The following P2RX7 variants were observed in gnomAD, a reference collection of about 807,000 sequenced individuals.
P2RX7 encodes purinergic receptor P2X 7, also known as P2X purinoceptor 7.
In P2RX7, 62 loss-of-function variants were observed where a neutral mutation model predicts 71.6. The ratio of observed to expected loss-of-function variants is 0.87; its 90% CI spans 0.71 to 1.07. P2RX7 has a LOEUF of 1.07. Among genes scored for constraint, P2RX7 ranks in the 50% least tolerant of loss-of-function variants. The pLI is 0.00. For missense variants in P2RX7, 686 were observed against 748.5 expected (o/e 0.92, Z 0.97); for synonymous variants, 299 against 283.3 (o/e 1.06, Z -0.56).
rs1555229275 is a variant in P2RX7 at position 121,175,322 on chromosome 12, A to AAAAAC, written c.882-62_882-61insCAAAA. 163 of 996,496 alleles carry AAAAAC rather than the reference A, an allele frequency of 1.6e-4. No homozygotes were observed. In the African/African-American group the frequency reaches 2.2e-3, roughly 13 times the overall value. The allele number at this position is 996,496 out of a possible 1,614,324, so 61.7% of individuals were successfully genotyped here. A position where few individuals can be genotyped will look rare whatever the true frequency, so the allele number is the denominator to read the frequency against. ...TGAGACCCTGTCTCAAAAAAAAAAA[A>AAAAAC]AAAAAAACCCAAAACCCAGCACTTT... On this transcript the variant is annotated intron_variant, in intron 8 of 12. Coordinates refer to ENST00000328963, the MANE Select transcript of P2RX7 (RefSeq NM_002562.6).
At chr12:121,169,503 A>T (rs565252057) in intron 8 of P2RX7, among the ~76,000 whole-genome samples, 79 of 152,292 alleles carry the variant, frequency 5.2e-4, no homozygotes, top group Middle Eastern at 3.4e-3. Context: ...GCTGTGTGTT[A>T]TGGAGTATTC....
chr12:121,155,437 A>G lies in P2RX7; in HGVS notation c.294+484A>G. 8.9e-6 allele frequency: 11 copies of G among 1,236,110 alleles called. 1 individual carries two copies. In the South Asian group the frequency reaches 1.4e-4, roughly 16 times the overall value. 76.6% of individuals were successfully genotyped at this position (1,236,110 alleles called of 1,614,324 possible). The stretch of plus-strand genomic sequence containing the variant: ...AAGAAGAAAGGCATCGGTCACTGAG[A>G]GAAGGCGTGTGACTTCTAGATTTGC... On this transcript the variant is annotated intron_variant, in intron 2 of 12. Coordinates refer to ENST00000328963, the MANE Select transcript of P2RX7 (RefSeq NM_002562.6).
intron 3 of P2RX7, among the ~76,000 whole-genome samples, chr12:121,158,422 C>T (rs949645515): frequency 6.6e-6 from 1 of 152,192 alleles, no homozygotes; most frequent in Non-Finnish European, 1.5e-5. Context: ...AAGAGTTACC[C>T]TCTCTTCAAG....
rs1001073770 is a variant in P2RX7, at chr12:121,188,026, T to C, written c.*3224T>C. ...GTTTTGATAATTAAAAAAAGGTATATAATTTATTTAAATCTTCATTTCCTT... is the reference window on the plus strand; with the variant it reads ...GTTTTGATAATTAAAAAAAGGTATACAATTTATTTAAATCTTCATTTCCTT... On this transcript the variant is annotated 3_prime_UTR_variant, in exon 13 of 13. Coordinates refer to ENST00000328963, the MANE Select transcript of P2RX7 (RefSeq NM_002562.6). 33 of 152,306 alleles carry C rather than the reference T, an allele frequency of 2.2e-4. No homozygotes were observed. The highest frequency in any genetic ancestry group is 1.0e-4 in the Non-Finnish European group (7 of 68,034). The allele number at this position is 152,306 out of a possible 1,614,324, so 9.4% of individuals were successfully genotyped here.
intron 1 of P2RX7, among the ~76,000 whole-genome samples, chr12:121,136,970 TATA>T (rs1441720510): frequency 6.6e-6 from 1 of 152,142 alleles, no homozygotes; most frequent in African/African-American, 2.4e-5. Context: ...CAGATTATTG[TATA>T]ATAATAAAAT....
At chr12:121,166,289 C>G in intron 7 of P2RX7, 102 bp downstream of exon 7, 1 of 1,269,304 alleles carries the variant, frequency 7.9e-7, no homozygotes, top group Non-Finnish European at 1.1e-6. Flanking sequence ...TAATGTGGCT[C>G]ACATTTACTG....
At chr12:121,183,796 C>T (rs948064756) in intron 12 of P2RX7, among the ~76,000 whole-genome samples, 23 of 152,048 alleles carry the variant, frequency 1.5e-4, no homozygotes, top group African/African-American at 5.3e-4. Context: ...GGTGCAGTGG[C>T]TCATGCCTGT....
At chr12:121,163,555 AAGAT>A (rs200523799) in intron 5 of P2RX7, among the ~76,000 whole-genome samples, 3,980 of 123,576 alleles carry the variant, frequency 0.032, 73 homozygotes, top group South Asian at 0.081. Flanking sequence ...GATAGATAGA[AAGAT>A]AGATAGATAG....
intron 3 of P2RX7, among the ~76,000 whole-genome samples, chr12:121,158,319 G>A (rs1367380862): frequency 6.6e-6 from 1 of 152,180 alleles, no homozygotes; most frequent in Non-Finnish European, 1.5e-5. Flanking sequence ...CTCTCAAGGA[G>A]CTGCAGTCAG....
At position 121,184,395 on chromosome 12, in the gene P2RX7, C is replaced by A; in HGVS notation, c.1381C>A (p.Leu461Met). 1 of 1,614,184 alleles carries A rather than the reference C, an allele frequency of 6.2e-7. No individual in the cohort carries two copies. Among genetic ancestry groups the A allele is most frequent in the Non-Finnish European group, 8.5e-7 (1 of 1,180,028 alleles). The stretch of plus-strand genomic sequence containing the variant: ...TCCTGGACAACCAGAGGAGATACAG[C>A]TGCTTAGAAAGGAGGCGACTCCTAG... ...PIPGQPEEIQ[L>M]LRKEATPRSR... The change falls in exon 13 of 13, where the codon CTG becomes ATG. Residue 461 changes from leucine (L) to methionine (M), a missense_variant. Transcript: ENST00000328963.
intron 12 of P2RX7, among the ~76,000 whole-genome samples, chr12:121,183,407 C>A (rs1884448250): frequency 6.7e-6 from 1 of 150,328 alleles, no homozygotes; most frequent in East Asian, 2.0e-4. Context: ...TCTGTCTCTA[C>A]TAAAAATATA....
In P2RX7 at chr12:121,162,070, T is replaced by C. The variant is rs370527480; in HGVS notation, c.437-354T>C. Among the ~76,000 whole-genome samples, 144 of 152,264 alleles carry C rather than the reference T, an allele frequency of 9.5e-4. 1 individual carries two copies. Among genetic ancestry groups the C allele is most frequent in the African/African-American group, 3.4e-3 (142 of 41,556 alleles). On this transcript the variant is annotated intron_variant, in intron 4 of 12. Transcript: ENST00000328963. ...ACATCCTGGGCAGGCTGTGTACCCC[T>C]TGAGGGACTTGTGCCCCTTTGAGAG...
At chr12:121,159,530 A>C (rs947930043) in intron 3 of P2RX7, among the ~76,000 whole-genome samples, 2 of 151,978 alleles carry the variant, frequency 1.3e-5, no homozygotes, top group Non-Finnish European at 2.9e-5. Context: ...GCTGAACCAG[A>C]TATACCTGGG....
At position 121,149,156 on chromosome 12, in the gene P2RX7, A is replaced by G; in HGVS notation, c.126-5629A>G. ...ACTCATATTCAGAGCATGTGGATTG[A>G]GACTCTGAAGAACGACTTTATGGTG... On this transcript the variant is annotated intron_variant, in intron 1 of 12. Transcript: ENST00000328963. This position sits in a 1 kb window ranked among gnomAD's most constrained non-coding sequence, Gnocchi z 4.7. 4.4e-6 allele frequency: 2 copies of G among 453,998 alleles called. No homozygotes were observed. Among genetic ancestry groups the G allele is most frequent in the Non-Finnish European group, 8.8e-6 (2 of 227,758 alleles). 28.1% of individuals were successfully genotyped at this position (453,998 alleles called of 1,614,324 possible).
chr12:121,180,333 T>G (rs377471637), intron 11 of P2RX7, 21 bp from the exon 12 acceptor site: 12 of 1,442,264 alleles, frequency 8.3e-6, no homozygotes, highest in Middle Eastern at 3.6e-4. Context: ...ATGGGTAAAC[T>G]TTCAAACCAT....
chr12:121,161,051 A>G (rs1320794570), intron 4 of P2RX7, 77 bp downstream of exon 4: 2 of 1,084,276 alleles, frequency 1.8e-6, no homozygotes, highest in Non-Finnish European at 2.9e-6. Context: ...TGCCCAGGTC[A>G]GGTCTTCAGC....
chr12:121,184,162 A>G (rs1390181015), intron 12 of P2RX7, 143 bp from the exon 13 acceptor site: 24 of 935,100 alleles, frequency 2.6e-5, no homozygotes, highest in Non-Finnish European at 6.0e-6. Flanking sequence ...GAACACATGC[A>G]TGGTCCTGAT....
Position 121,169,044 on chromosome 12 carries a change from C to A in P2RX7, c.881+1420C>A, listed in dbSNP as rs144730730. Among the ~76,000 whole-genome samples, 122 of 152,170 alleles carry A rather than the reference C, an allele frequency of 8.0e-4. 3 individuals are homozygous for A. The East Asian group carries it at 0.02, about 26-fold the overall frequency. Reference sequence around the variant, plus strand: ...GACCGGGTGCAATTATAGCTCACTGCAACCTCTGCCTCCCAGGCCCAAGTG... The same window carrying A: ...GACCGGGTGCAATTATAGCTCACTGAAACCTCTGCCTCCCAGGCCCAAGTG... On this transcript the variant is annotated intron_variant, in intron 8 of 12. Transcript: ENST00000328963.
chr12:121,174,232 G>A (rs1427364094), intron 8 of P2RX7, among the ~76,000 whole-genome samples: 7 of 151,706 alleles, frequency 4.6e-5, no homozygotes, highest in African/African-American at 1.7e-4. Flanking sequence ...ATTTTTAGTA[G>A]AGATGGGGTT....
Sources: allele counts gnomAD v4.1 joint callset (sites outside exome capture counted in the v4.1 genomes callset), GRCh38; gene constraint gnomAD v4.1.1; non-coding constraint Gnocchi (gnomAD v3.1); transcripts MANE v1.5; gene names NCBI Gene and HGNC (gene_info 2026-07-23, HGNC 2026-07-21).